Variants in DDX42 observed in about 807,000 individuals in gnomAD.
DDX42 encodes DEAD-box helicase 42.
A neutral mutation model predicts 101.5 loss-of-function variants in DDX42; 22 were observed. The ratio of observed to expected loss-of-function variants is 0.22; its 90% confidence interval spans 0.15 to 0.31. DDX42 has a LOEUF of 0.31. Ranked by LOEUF, DDX42 falls within the 10% of genes least tolerant of loss-of-function variation. DDX42 has a pLI of 1.00. For synonymous variants in DDX42, 402 were observed against 401.2 expected, an observed-to-expected ratio of 1.00 and a Z score of -0.02; for missense variants, 849 against 1,199.9, an observed-to-expected ratio of 0.71 and a Z score of 4.32.
At position 63,810,379 on chromosome 17, in the gene DDX42, C is replaced by T. The variant is rs141252280; in HGVS notation, c.1253-134C>T. 313 of 823,408 alleles carry T rather than the reference C, an allele frequency of 3.8e-4. 1 individual carries two copies. In the East Asian group the frequency reaches 8.1e-3, roughly 21 times the overall value. 51.0% of individuals were successfully genotyped at this position (823,408 alleles called of 1,614,324 possible). On this transcript the variant is annotated intron_variant, in intron 11 of 17. Coordinates refer to ENST00000389924, the MANE Select transcript of DDX42 (RefSeq NM_203499.3). ...GTGCTAGGATTACAGGCATGAGCCA[C>T]TGTGCCTGGCCTGGGGTTTCTAATT... is the stretch of plus-strand genomic sequence containing the variant.
chr17:63,789,553 GTTTTTGTTTTTGTTTTTGTTTTTTTTTT>G (rs2039596456), intron 2 of DDX42, among the ~76,000 whole-genome samples: 1 of 28,656 alleles, frequency 3.5e-5, no homozygotes, highest in East Asian at 9.8e-4. Flanking sequence ...AGACTTTTTT[GTTTTTGTTTTTGTTTTTGTTTTTTTTTT>G]TTTTTTTTTG....
At chr17:63,790,553 GA>G (rs1319201694) in intron 2 of DDX42, among the ~76,000 whole-genome samples, 1 of 152,098 alleles carries the variant, frequency 6.6e-6, no homozygotes, top group Non-Finnish European at 1.5e-5. Context: ...CTGAAGTCAG[GA>G]GTTAGAGACC....
rs1405872101 is a variant in DDX42 at position 63,818,611 on chromosome 17, G to GA, written c.*215dup. 3.7e-6 allele frequency: 2 copies of GA among 535,250 alleles called. No individual in the cohort carries two copies. The highest frequency in any genetic ancestry group is 6.6e-6 in the Non-Finnish European group (2 of 301,868). 33.2% of individuals were successfully genotyped at this position (535,250 alleles called of 1,614,324 possible). ...GGTCCTTGGAAGCAGTGAGAGCTGG[G>GA]AAGCTTCTTTTGGCTCTAGGTGAGT... is the stretch of plus-strand genomic sequence containing the variant. On this transcript the variant is annotated 3_prime_UTR_variant, in exon 18 of 18. Transcript: ENST00000389924.
chr17:63,796,642 A>G (rs924505405), intron 3 of DDX42, among the ~76,000 whole-genome samples: 5 of 152,228 alleles, frequency 3.3e-5, no homozygotes, highest in African/African-American at 9.6e-5. Flanking sequence ...TAGAAAGTAT[A>G]AACTTTTCTA....
chr17:63,787,109 C>A lies in DDX42; in HGVS notation c.60C>A (p.Ala20=), dbSNP rs753595532. 1 of 1,614,166 alleles carries A rather than the reference C, an allele frequency of 6.2e-7. No homozygotes were observed. The highest frequency in any genetic ancestry group is 8.5e-7 in the Non-Finnish European group (1 of 1,180,034). Residue 20 remains alanine (A), a synonymous_variant, in exon 2 of 18, where the codon GCC becomes GCA. Transcript: ENST00000389924. ...GAGGATTTGGCTTTGGAGGTTTTGC[C>A]ATCAGTGCTGGGAAAAAGGAGGAAC... ...TKRGFGFGGF[A]ISAGKKEEPK...
intron 1 of DDX42, chr17:63,774,983 C>T (rs1272989336): frequency 2.6e-5 from 4 of 152,636 alleles, no homozygotes; most frequent in Admixed American, 2.6e-4. Context: ...ATTACATTCT[C>T]ATCACTGAGA....
At chr17:63,779,706 C>G (rs1231294063) in intron 1 of DDX42, among the ~76,000 whole-genome samples, 7 of 152,102 alleles carry the variant, frequency 4.6e-5, no homozygotes, top group Non-Finnish European at 8.8e-5. Flanking sequence ...CTCTTCTACT[C>G]TGTGTCTCTG....
chr17:63,811,439 C>T (rs1024913816), intron 13 of DDX42: 1 of 382,628 alleles, frequency 2.6e-6, no homozygotes, highest in Admixed American at 4.2e-5. Context: ...TCAAAACTTA[C>T]AATTGTTTTA....
Position 63,808,933 on chromosome 17 carries a change from T to G in DDX42, c.1137T>G (p.Ile379Met). 1.2e-6 allele frequency: 2 copies of G among 1,613,894 alleles called. No individual in the cohort carries two copies. Among genetic ancestry groups the G allele is most frequent in the Non-Finnish European group, 1.7e-6 (2 of 1,179,848 alleles). ...AGGCCCTTCAGGAGGGGGCAGAGAT[T>G]GTTGTGTGTACCCCAGTAAGTATGC... is the stretch of plus-strand genomic sequence containing the variant. ...QAKALQEGAE[I>M]VVCTPGRLID... Residue 379 changes from isoleucine (I) to methionine (M), a missense_variant, in exon 10 of 18, where the codon ATT becomes ATG. By Grantham distance (10) the Ile-to-Met change is conservative. Coordinates refer to ENST00000389924, the MANE Select transcript of DDX42 (RefSeq NM_203499.3).
rs753255162 is a variant in DDX42, at chr17:63,800,564, A to G, written c.568A>G (p.Ile190Val). ...NLEYDSDGNPIAPTKKIIDPL... is the reference protein window; with the variant it reads ...NLEYDSDGNPVAPTKKIIDPL... Reference sequence around the variant, plus strand: ...AGAATATGATAGTGACGGAAATCCAATTGCACCTACCAAAAAAATCATTGA... The same window carrying G: ...AGAATATGATAGTGACGGAAATCCAGTTGCACCTACCAAAAAAATCATTGA... The change falls in exon 6 of 18, where the codon ATT (isoleucine) becomes GTT (valine). Residue 190 changes from isoleucine (I) to valine (V), a missense_variant. By Grantham distance (29) the Ile-to-Val change is conservative (BLOSUM62 3). Transcript: ENST00000389924. The G allele has an allele frequency of 5.6e-6, 9 of 1,614,000 alleles. No homozygotes were observed. Among genetic ancestry groups the G allele is most frequent in the South Asian group, 3.3e-5 (3 of 91,088 alleles).
chr17:63,793,250 T>A (rs2039650402), intron 3 of DDX42, among the ~76,000 whole-genome samples: 1 of 150,210 alleles, frequency 6.7e-6, no homozygotes, highest in Admixed American at 6.6e-5. Context: ...TTTTCCTTTC[T>A]CTTTTTTTTT....
rs1431668978 is a variant in DDX42, at chr17:63,818,373, G to A, written c.2792G>A (p.Arg931His). 4 of 1,613,518 alleles carry A rather than the reference G, an allele frequency of 2.5e-6. No individual in the cohort carries two copies. The highest frequency in any genetic ancestry group is 1.3e-5 in the African/African-American group (1 of 74,900). Residue 931 changes from arginine to histidine, a missense_variant, in exon 18 of 18, where the codon CGC becomes CAC. This residue lies in a region of DDX42 where 300 missense variants were observed against 304.9 expected (regional missense o/e 0.98). Coordinates refer to ENST00000389924, the MANE Select transcript of DDX42 (RefSeq NM_203499.3). ...DGFAVPEPPK[R>H]KKSRWDS ...TTTGCTGTCCCAGAGCCGCCTAAAC[G>A]CAAGAAAAGTCGATGGGACAGTTAG...
rs2039967305 is a variant in DDX42, at chr17:63,815,567, C to T, written c.1907C>T (p.Ala636Val). Residue 636 changes from alanine (A) to valine (V), a missense_variant, in exon 16 of 18, where the codon GCC becomes GTC. Transcript: ENST00000389924. The part of the protein sequence containing the change: ...KELLDLAMQN[A>V]WFRKSRFKGG... ...CTTGAATTTTGTTCAATGCAGAATG[C>T]CTGGTTTCGGAAATCTCGATTCAAA... 3 of 1,612,502 alleles carry T rather than the reference C, an allele frequency of 1.9e-6. No individual in the cohort carries two copies. Among genetic ancestry groups the T allele is most frequent in the Admixed American group, 1.7e-5 (1 of 59,952 alleles).
At chr17:63,786,990 C>CT in intron 1 of DDX42, 44 bp from the exon 2 acceptor site, 2 of 1,604,114 alleles carry the variant, frequency 1.2e-6, no homozygotes, top group Non-Finnish European at 1.7e-6. Flanking sequence ...GGGCTATACA[C>CT]TTTTTTAAGT....
rs144492534 is a variant in DDX42, at chr17:63,813,149, T to C, written c.1676-79T>C. 6.7e-5 allele frequency: 90 copies of C among 1,342,392 alleles called. 3 individuals carry two copies. Among genetic ancestry groups the C allele is most frequent in the East Asian group, 4.1e-4 (17 of 41,534 alleles). The allele number at this position is 1,342,392 out of a possible 1,614,324, so 83.2% of individuals were successfully genotyped here. On this transcript the variant is annotated intron_variant, in intron 14 of 17. Coordinates refer to ENST00000389924, the MANE Select transcript of DDX42 (RefSeq NM_203499.3). ...GCCTAGATAAAGGAAATGTGGCTTA[T>C]TAGCACTAGCATTTCTGGTTACTTT...
chr17:63,817,051 T>C (rs1362946341), intron 17 of DDX42, 85 bp downstream of exon 17: 1 of 1,176,556 alleles, frequency 8.5e-7, no homozygotes, highest in Non-Finnish European at 1.2e-6. Context: ...TGGTTGTAGC[T>C]GGGCGCCTAG....
chr17:63,789,571 G>GTTTTTTTTTTTTTTTTTTT (rs538515067), intron 2 of DDX42, among the ~76,000 whole-genome samples: 2 of 45,676 alleles, frequency 4.4e-5, no homozygotes, highest in African/African-American at 1.1e-4. Context: ...TTTTGTTTTT[G>GTTTTTTTTTTTTTTTTTTT]TTTTTTTTTT....
rs532143060 is a variant in DDX42 at position 63,789,401 on chromosome 17, A to G, written c.221+2131A>G. On this transcript the variant is annotated intron_variant, in intron 2 of 17. Coordinates refer to ENST00000389924, the MANE Select transcript of DDX42 (RefSeq NM_203499.3). ...GCCAATTTTTTATTCTTTTGTAGAG[A>G]CAGGGTCTTGCTTTGTTGCCCGGGC... 1.3e-4 allele frequency among the ~76,000 whole-genome samples: 20 copies of G among 151,620 alleles called. No individual in the cohort carries two copies. In the South Asian group the frequency reaches 4.2e-3, roughly 32 times the overall value.
intron 6 of DDX42, 145 bp from the exon 7 acceptor site, chr17:63,804,926 G>A: frequency 1.0e-6 from 1 of 972,396 alleles, no homozygotes; most frequent in Non-Finnish European, 1.5e-6. Context: ...TAGGATCTAA[G>A]CTGAGAATAA....
Sources: gnomAD v4.1 joint callset for allele counts (sites outside exome capture counted in the v4.1 genomes callset) on GRCh38, gnomAD v4.1.1 for gene constraint, gnomAD v4.1.1 regional missense constraint, MANE v1.5 for transcripts, NCBI Gene and HGNC (gene_info 2026-07-23, HGNC 2026-07-21) for gene names.